The following CSRNP3 variants were observed in gnomAD, a reference collection of about 807,000 sequenced individuals.
CSRNP3 encodes cysteine/serine-rich nuclear protein 3.
In CSRNP3, 12 loss-of-function variants were observed where a neutral mutation model predicts 48.0. The observed-to-expected ratio is 0.25, with a 90% CI of 0.16 to 0.41. The LOEUF (loss-of-function observed/expected upper bound fraction) is 0.41, where lower values mean the gene tolerates loss of function less well. CSRNP3 is among the 10% of genes least tolerant of loss of function. The probability of loss-of-function intolerance (pLI) is 1.00; values close to 1 mark genes in which losing one functional copy is unlikely to be tolerated. For missense variants in CSRNP3, 580 were observed against 724.4 expected, an observed-to-expected ratio of 0.80 and a Z score of 2.29; for synonymous variants, 263 against 269.7, an observed-to-expected ratio of 0.98 and a Z score of 0.24.
At chr2:165,559,231 T>A (rs1280285291) in intron 3 of CSRNP3, among the ~76,000 whole-genome samples, 2 of 152,222 alleles carry the variant, frequency 1.3e-5, no homozygotes, top group Non-Finnish European at 2.9e-5. Context: ...GCCACTTTTG[T>A]TAATAAATCT....
chr2:165,602,664 C>T (rs969705186), intron 4 of CSRNP3, among the ~76,000 whole-genome samples: 3 of 152,112 alleles, frequency 2.0e-5, no homozygotes, highest in Admixed American at 2.0e-4. Flanking sequence ...TTGTGGACTC[C>T]AGTAATTATA....
intron 2 of CSRNP3, among the ~76,000 whole-genome samples, chr2:165,504,996 A>G (rs903329265): frequency 3.3e-5 from 5 of 152,134 alleles, no homozygotes; most frequent in African/African-American, 1.2e-4. Context: ...ATGCTAAAAA[A>G]TATAATCGTC....
At chr2:165,617,878 A>C (rs1686276910) in intron 4 of CSRNP3, among the ~76,000 whole-genome samples, 2 of 152,188 alleles carry the variant, frequency 1.3e-5, no homozygotes, top group Non-Finnish European at 2.9e-5. Flanking sequence ...CAGCTGAAGC[A>C]CTGGGTCCAG....
chr2:165,519,129 A>G (rs1684617914), intron 3 of CSRNP3, among the ~76,000 whole-genome samples: 2 of 152,056 alleles, frequency 1.3e-5, no homozygotes, highest in Non-Finnish European at 2.9e-5. Flanking sequence ...TGATTTTTTT[A>G]TTAAATTAGC....
At chr2:165,576,352 G>A (rs970418466) in intron 3 of CSRNP3, among the ~76,000 whole-genome samples, 4 of 151,776 alleles carry the variant, frequency 2.6e-5, no homozygotes, top group Non-Finnish European at 4.4e-5. Flanking sequence ...TAATCCCTGC[G>A]TGTGTTTTAG....
chr2:165,494,484 A>G (rs1684260221), intron 1 of CSRNP3, among the ~76,000 whole-genome samples: 1 of 152,126 alleles, frequency 6.6e-6, no homozygotes, highest in African/African-American at 2.4e-5. Flanking sequence ...TGACATTTCA[A>G]AACAGTTAAG....
intron 4 of CSRNP3, among the ~76,000 whole-genome samples, chr2:165,615,982 C>T (rs1232192395): frequency 6.7e-6 from 1 of 149,044 alleles, no homozygotes; most frequent in Non-Finnish European, 1.5e-5. Context: ...CCTCCTGCCT[C>T]AGCCTTCTGA....
chr2:165,546,639 A>T lies in CSRNP3; in HGVS notation c.-24+28678A>T, dbSNP rs192949513. Among the ~76,000 whole-genome samples, 203 of 152,318 alleles carry T rather than the reference A, an allele frequency of 1.3e-3. 2 individuals carry two copies. The highest frequency in any genetic ancestry group is 2.1e-4 in the Non-Finnish European group (14 of 68,022). ...CTGGGGGTTTTATTTTGACTTAAAG[A>T]GTGTTTTTAATTAGTAGTCTTCTAA... On this transcript the variant is annotated intron_variant, in intron 3 of 6. Coordinates refer to ENST00000651982, the MANE Select transcript of CSRNP3 (RefSeq NM_001172173.2).
At chr2:165,594,958 C>A in intron 3 of CSRNP3, 85 bp from the exon 4 acceptor site, 1 of 1,198,310 alleles carries the variant, frequency 8.3e-7, no homozygotes, top group East Asian at 2.4e-5. Context: ...GTATAAAAAG[C>A]CACATAAAAA....
intron 2 of CSRNP3, among the ~76,000 whole-genome samples, chr2:165,512,468 T>C (rs1558920989): frequency 6.6e-6 from 1 of 152,192 alleles, no homozygotes. Flanking sequence ...TGAACACGGG[T>C]GATTGAATGG....
At chr2:165,638,081 C>T (rs1268050272) in intron 4 of CSRNP3, among the ~76,000 whole-genome samples, 2 of 152,138 alleles carry the variant, frequency 1.3e-5, no homozygotes, top group African/African-American at 4.8e-5. Flanking sequence ...TCATTTTACT[C>T]AACCATTTCT....
chr2:165,525,675 G>A (rs1239897663), intron 3 of CSRNP3, among the ~76,000 whole-genome samples: 10 of 151,488 alleles, frequency 6.6e-5, no homozygotes, highest in African/African-American at 2.2e-4. Context: ...TAGTAGAGAC[G>A]GGGTTTCATC....
At chr2:165,516,928 A>G (rs1225722217) in intron 2 of CSRNP3, among the ~76,000 whole-genome samples, 2 of 152,272 alleles carry the variant, frequency 1.3e-5, no homozygotes, top group Non-Finnish European at 2.9e-5. Flanking sequence ...TTACAGCAGC[A>G]TAAGTTGCTT....
chr2:165,534,100 A>G (rs920416317), intron 3 of CSRNP3, among the ~76,000 whole-genome samples: 1 of 152,064 alleles, frequency 6.6e-6, no homozygotes, highest in Non-Finnish European at 1.5e-5. Context: ...ATCTCATCAA[A>G]GGTTGTATTG....
At chr2:165,672,817 T>C (rs563324549) in intron 5 of CSRNP3, among the ~76,000 whole-genome samples, 1 of 152,248 alleles carries the variant, frequency 6.6e-6, no homozygotes, top group Non-Finnish European at 1.5e-5. Context: ...AACTCAGTAG[T>C]TTTGGCCTGG....
chr2:165,600,601 T>G (rs1685898403), intron 4 of CSRNP3, among the ~76,000 whole-genome samples: 1 of 152,280 alleles, frequency 6.6e-6, no homozygotes, highest in South Asian at 2.1e-4. Flanking sequence ...ACCTGTTGTT[T>G]CCTGACTTTT....
rs1312091837 is a variant in CSRNP3 at position 165,683,999 on chromosome 2, A to G, written c.*4246A>G. The G allele has an allele frequency of 1.3e-5, 2 of 152,130 alleles. No individual in the cohort carries two copies. The highest frequency in any genetic ancestry group is 2.9e-5 in the Non-Finnish European group (2 of 67,998). The allele number at this position is 152,130 out of a possible 1,614,324, so 9.4% of individuals were successfully genotyped here. The stretch of plus-strand genomic sequence containing the variant: ...AAATTTTCGATTAATTGCTTCTTCA[A>G]TGTTAGACCTATATAAGTGATGCTA... On this transcript the variant is annotated 3_prime_UTR_variant, in exon 7 of 7. Coordinates refer to ENST00000651982, the MANE Select transcript of CSRNP3 (RefSeq NM_001172173.2).
chr2:165,674,142 A>T (rs1687380972), intron 5 of CSRNP3, among the ~76,000 whole-genome samples: 1 of 152,222 alleles, frequency 6.6e-6, no homozygotes, highest in African/African-American at 2.4e-5. Flanking sequence ...CAGAACGTGG[A>T]GATTAAGTAG....
chr2:165,601,143 G>A (rs1483194443), intron 4 of CSRNP3, among the ~76,000 whole-genome samples: 1 of 152,188 alleles, frequency 6.6e-6, no homozygotes, highest in African/African-American at 2.4e-5. Flanking sequence ...AAACAGCAGA[G>A]TCTGTATTGC....
Sources: allele counts gnomAD v4.1 joint callset (sites outside exome capture counted in the v4.1 genomes callset), GRCh38; gene constraint gnomAD v4.1.1; transcripts MANE v1.5; gene names NCBI Gene and HGNC (gene_info 2026-07-23, HGNC 2026-07-21).